Variants in COPZ1 observed in about 807,000 individuals in gnomAD.
COPZ1 encodes coat protein complex I subunit zeta 1.
A neutral mutation model predicts 31.7 loss-of-function variants in COPZ1; 4 were observed. The observed-to-expected ratio is 0.13, with a 90% CI of 0.06 to 0.29. The LOEUF is 0.29. COPZ1 is among the 10% of genes least tolerant of loss of function. COPZ1 has a pLI of 1.00. For synonymous variants in COPZ1, 74 were observed against 79.0 expected (o/e 0.94, Z 0.33); for missense variants, 156 against 211.5 (o/e 0.74, Z 1.63).
In COPZ1 at chr12:54,342,281, A is replaced by G. The variant is rs781048775; in HGVS notation, c.163A>G (p.Thr55Ala). The G allele has an allele frequency of 6.2e-7, 1 of 1,613,322 alleles. No homozygotes were observed. Among genetic ancestry groups the G allele is most frequent in the Non-Finnish European group, 8.5e-7 (1 of 1,179,234 alleles). ...EKNIFNKTHR[T>A]DSEIALLEGL... ...GAACATTTTCAACAAGACCCATCGG[A>G]CTGACAGTAGGTCATTTTCCTTTCA... The change falls in exon 3 of 9, where the codon ACT becomes GCT. Residue 55 changes from threonine to alanine, a missense_variant. Transcript: ENST00000262061.
intron 8 of COPZ1, 126 bp from the exon 9 acceptor site, chr12:54,350,350 T>C (rs773439484): frequency 9.6e-6 from 8 of 830,186 alleles, no homozygotes; most frequent in South Asian, 9.2e-5. Context: ...TCTTTACCCT[T>C]GGGGATTTTC....
intron 1 of COPZ1, among the ~76,000 whole-genome samples, chr12:54,338,808 T>A (rs946781901): frequency 1.5e-4 from 23 of 152,264 alleles, no homozygotes; most frequent in African/African-American, 5.3e-4. Flanking sequence ...CTTATGTTCC[T>A]CATCACCTTG....
At chr12:54,345,655 T>G in intron 5 of COPZ1, 140 bp downstream of exon 5, 1 of 675,946 alleles carries the variant, frequency 1.5e-6, no homozygotes, top group Non-Finnish European at 2.5e-6. Flanking sequence ...GGGAGTTGAT[T>G]TAGTTTTAGA....
intron 5 of COPZ1, 68 bp downstream of exon 5, chr12:54,345,583 T>G: frequency 7.8e-7 from 1 of 1,284,120 alleles, no homozygotes; most frequent in East Asian, 2.3e-5. Flanking sequence ...TTGATTTCTT[T>G]TTGGGAGATA....
intron 8 of COPZ1, 81 bp from the exon 9 acceptor site, chr12:54,350,391 CAAGT>C: frequency 9.7e-7 from 1 of 1,036,084 alleles, no homozygotes; most frequent in Non-Finnish European, 1.5e-6. Flanking sequence ...ACAGGGAAGA[CAAGT>C]GAGGGGAAGG....
At chr12:54,336,818 T>C (rs1486739624) in intron 1 of COPZ1, among the ~76,000 whole-genome samples, 1 of 151,802 alleles carries the variant, frequency 6.6e-6, no homozygotes, top group African/African-American at 2.4e-5. Context: ...GGTCAGGAGT[T>C]CGAGACCAGC....
At chr12:54,336,916 G>A (rs1953877880) in intron 1 of COPZ1, among the ~76,000 whole-genome samples, 1 of 151,390 alleles carries the variant, frequency 6.6e-6, no homozygotes, top group Admixed American at 6.6e-5. Flanking sequence ...CAGCTACCCG[G>A]GAGGCTGAGG....
intron 7 of COPZ1, 130 bp downstream of exon 7, chr12:54,348,181 C>G (rs917131541): frequency 9.3e-6 from 7 of 754,246 alleles, no homozygotes; most frequent in Non-Finnish European, 1.6e-5. Flanking sequence ...CTTTCAAATA[C>G]ATTCAGCCTT....
chr12:54,326,450 A>G (rs1407653391), intron 1 of COPZ1, among the ~76,000 whole-genome samples: 2 of 146,722 alleles, frequency 1.4e-5, no homozygotes, highest in Non-Finnish European at 3.0e-5. Flanking sequence ...AGGAATTCTT[A>G]TTGTATGATC....
chr12:54,333,949 T>G (rs1194139497), intron 1 of COPZ1, among the ~76,000 whole-genome samples: 1 of 152,152 alleles, frequency 6.6e-6, no homozygotes, highest in Non-Finnish European at 1.5e-5. Context: ...ACAGAAATAA[T>G]TAGCAGGGTG....
chr12:54,346,647 C>T (rs1478530153), intron 5 of COPZ1: 14 of 701,610 alleles, frequency 2.0e-5, no homozygotes, highest in Non-Finnish European at 3.1e-5. Flanking sequence ...CTGCATGAGT[C>T]GAGTTCAAGA....
rs762627581 is a variant in COPZ1 at position 54,335,580 on chromosome 12, T to A, written c.19-4967T>A. 1.8e-4 allele frequency among the ~76,000 whole-genome samples: 28 copies of A among 151,912 alleles called. 1 individual carries two copies. Among genetic ancestry groups the A allele is most frequent in the Admixed American group, 6.6e-5 (1 of 15,244 alleles). Reference sequence around the variant, plus strand: ...TCTGCTACCATGCCTGGCTAAGTTTTGTAATTTTGGTAGAGACAGGGTTTC... The same window carrying A: ...TCTGCTACCATGCCTGGCTAAGTTTAGTAATTTTGGTAGAGACAGGGTTTC... On this transcript the variant is annotated intron_variant, in intron 1 of 8. Transcript: ENST00000262061.
chr12:54,342,264 T>G lies in COPZ1; in HGVS notation c.146T>G (p.Phe49Cys). ...KEQKAFEKNI[F>C]NKTHRTDSEI... ...CAAAAGGCCTTTGAGAAGAACATTT[T>G]CAACAAGACCCATCGGACTGACAGT... Residue 49 changes from phenylalanine (F) to cysteine (C), a missense_variant, in exon 3 of 9, where the codon TTC becomes TGC. By Grantham distance (205) the Phe-to-Cys change is radical. Coordinates refer to ENST00000262061, the MANE Select transcript of COPZ1 (RefSeq NM_016057.3). 3.7e-6 allele frequency: 6 copies of G among 1,614,004 alleles called. No individual in the cohort carries two copies. The highest frequency in any genetic ancestry group is 5.1e-6 in the Non-Finnish European group (6 of 1,179,876).
intron 1 of COPZ1, among the ~76,000 whole-genome samples, chr12:54,338,533 T>G (rs1209920320): frequency 1.3e-5 from 2 of 152,196 alleles, no homozygotes; most frequent in African/African-American, 4.8e-5. Context: ...GGAGTGTTTA[T>G]CAGAGGAGGG....
Position 54,350,401 on chromosome 12 carries a change from G to T in COPZ1, c.487-75G>T. The T allele has an allele frequency of 3.5e-6, 4 of 1,139,642 alleles. No homozygotes were observed. In the Admixed American group the frequency reaches 6.7e-5, roughly 19 times the overall value. The allele number at this position is 1,139,642 out of a possible 1,614,324, so 70.6% of individuals were successfully genotyped here. ...TAAGGACAGGGAAGACAAGTGAGGG[G>T]AAGGAGATCCCCAGCCCTCATCCTT... is the stretch of plus-strand genomic sequence containing the variant. On this transcript the variant is annotated intron_variant, in intron 8 of 8. Transcript: ENST00000262061.
intron 1 of COPZ1, among the ~76,000 whole-genome samples, chr12:54,333,770 T>C (rs146353944): frequency 1.3e-5 from 2 of 152,324 alleles, no homozygotes; most frequent in East Asian, 1.9e-4. Context: ...CTGTGTCAGA[T>C]AGGAAGATTG....
intron 5 of COPZ1, chr12:54,346,522 C>G: frequency 3.1e-6 from 2 of 654,130 alleles, no homozygotes. Flanking sequence ...ATCCACCTAC[C>G]TTGGCCTCCC....
chr12:54,347,924 C>T, intron 6 of COPZ1, 76 bp from the exon 7 acceptor site: 1 of 1,602,712 alleles, frequency 6.2e-7, no homozygotes, highest in Non-Finnish European at 8.5e-7. Context: ...GGCTCAGTGG[C>T]CAGAGGTCCT....
intron 3 of COPZ1, 62 bp downstream of exon 3, chr12:54,342,349 T>C: frequency 8.4e-7 from 1 of 1,193,446 alleles, no homozygotes; most frequent in South Asian, 1.2e-5. Flanking sequence ...AAGGGGGTGG[T>C]AACAGGGCTG....
Sources: allele counts gnomAD v4.1 joint callset (sites outside exome capture counted in the v4.1 genomes callset), GRCh38; gene constraint gnomAD v4.1.1; transcripts MANE v1.5; gene names NCBI Gene and HGNC (gene_info 2026-07-23, HGNC 2026-07-21).